Variants in RUNX2 observed in about 807,000 individuals in gnomAD.
RUNX2 encodes the protein RUNX family transcription factor 2, also known as runt-related transcription factor 2.
A neutral mutation model predicts 51.7 loss-of-function variants in RUNX2; 10 were observed. The observed-to-expected ratio is 0.19, with a 90% CI of 0.12 to 0.33. The LOEUF (loss-of-function observed/expected upper bound fraction) is 0.33. RUNX2 is among the 10% of genes least tolerant of loss of function. The probability of loss-of-function intolerance (pLI) is 1.00; values close to 1 mark genes in which losing one functional copy is unlikely to be tolerated. For missense variants in RUNX2, 562 were observed against 691.3 expected (o/e 0.81, Z 2.10); for synonymous variants, 276 against 273.6 (o/e 1.01, Z -0.09).
chr6:45,542,896 T>C (rs1041354577), intron 7 of RUNX2, among the ~76,000 whole-genome samples: 2 of 152,194 alleles, frequency 1.3e-5, no homozygotes, highest in Non-Finnish European at 1.5e-5. Flanking sequence ...TTTCTCTAGA[T>C]ACCAGCTTTC....
intron 5 of RUNX2, among the ~76,000 whole-genome samples, chr6:45,447,045 AC>A (rs1799020749): frequency 6.6e-6 from 1 of 152,202 alleles, no homozygotes; most frequent in African/African-American, 2.4e-5. Context: ...TAAGGCTTAA[AC>A]CCAAGCACCC....
chr6:45,483,649 A>G (rs1582159572), intron 5 of RUNX2, among the ~76,000 whole-genome samples: 2 of 152,250 alleles, frequency 1.3e-5, no homozygotes, highest in Admixed American at 6.5e-5. Context: ...TGTAGTAGAC[A>G]AAACATAGTT....
chr6:45,346,916 G>C (rs972754830), intron 2 of RUNX2, among the ~76,000 whole-genome samples: 2 of 152,052 alleles, frequency 1.3e-5, no homozygotes, highest in African/African-American at 4.8e-5. Context: ...GAAGTGGATG[G>C]ACAAATAAAC....
At chr6:45,519,796 G>A (rs572021723) in intron 7 of RUNX2, among the ~76,000 whole-genome samples, 23,840 of 98,106 alleles carry the variant, frequency 0.24, 3,399 homozygotes, top group African/African-American at 0.48. Context: ...ATATATGTGT[G>A]TGTGTGTGTG....
Position 45,505,955 on chromosome 6 carries a change from AT to A in RUNX2, c.860-6290del, listed in dbSNP as rs1800954966. Among the ~76,000 whole-genome samples the A allele has an allele frequency of 2.6e-5, 4 of 152,342 alleles. No homozygotes were observed. In the South Asian group the frequency reaches 8.3e-4, roughly 32 times the overall value. ...ATGCTGAAGGGATTCCTTATGACAGATGACTGGTTCCTTTTTACGGCTTTCA... is the reference window on the plus strand; with the variant it reads ...ATGCTGAAGGGATTCCTTATGACAGAGACTGGTTCCTTTTTACGGCTTTCA... On this transcript the variant is annotated intron_variant, in intron 6 of 8. Transcript: ENST00000647337.
intron 7 of RUNX2, among the ~76,000 whole-genome samples, chr6:45,524,512 A>G (rs752968235): frequency 1.6e-4 from 25 of 152,326 alleles, no homozygotes; most frequent in Non-Finnish European, 2.9e-4. Flanking sequence ...GTAATTAGTA[A>G]CAATGCTATA....
intron 2 of RUNX2, among the ~76,000 whole-genome samples, chr6:45,402,921 T>C (rs1797746568): frequency 6.6e-6 from 1 of 152,184 alleles, no homozygotes; most frequent in Admixed American, 6.5e-5. Flanking sequence ...GAAATATCTA[T>C]TTAATAGTCC....
intron 2 of RUNX2, among the ~76,000 whole-genome samples, chr6:45,355,845 A>T (rs1793060191): frequency 6.6e-6 from 1 of 152,292 alleles, no homozygotes; most frequent in Admixed American, 6.5e-5. Flanking sequence ...AACCAAAAAG[A>T]ATGTTATTTT....
At chr6:45,463,085 T>G (rs1009471328) in intron 5 of RUNX2, among the ~76,000 whole-genome samples, 1 of 152,220 alleles carries the variant, frequency 6.6e-6, no homozygotes, top group African/African-American at 2.4e-5. Context: ...TCGCAGGCAG[T>G]TTCTCTTTCT....
chr6:45,396,882 C>A (rs1340280690), intron 2 of RUNX2, among the ~76,000 whole-genome samples: 1 of 152,088 alleles, frequency 6.6e-6, no homozygotes, highest in Non-Finnish European at 1.5e-5. Flanking sequence ...TGAACAGATA[C>A]AGTATATTTT....
At chr6:45,339,100 T>C (rs1050634667) in intron 2 of RUNX2, among the ~76,000 whole-genome samples, 2 of 152,154 alleles carry the variant, frequency 1.3e-5, no homozygotes, top group Admixed American at 6.6e-5. Flanking sequence ...CAAACTAAGA[T>C]AGTTATGGCC....
intron 5 of RUNX2, among the ~76,000 whole-genome samples, chr6:45,475,719 A>G (rs1340210008): frequency 6.6e-6 from 1 of 152,370 alleles, no homozygotes; most frequent in East Asian, 1.9e-4. Flanking sequence ...TTCAACTGAT[A>G]TGATTCAGTT....
intron 2 of RUNX2, among the ~76,000 whole-genome samples, chr6:45,403,630 A>T (rs1469156007): frequency 6.6e-6 from 1 of 152,162 alleles, no homozygotes; most frequent in Admixed American, 6.6e-5. Context: ...GCCACTTTTG[A>T]TCATATCTTC....
intron 2 of RUNX2, among the ~76,000 whole-genome samples, chr6:45,405,726 G>T (rs1797820208): frequency 6.6e-6 from 1 of 152,124 alleles, no homozygotes; most frequent in Admixed American, 6.5e-5. Flanking sequence ...GGCAGAGGTT[G>T]CAGTGAGCTG....
intron 2 of RUNX2, among the ~76,000 whole-genome samples, chr6:45,409,615 C>A (rs748395807): frequency 6.6e-6 from 1 of 152,146 alleles, no homozygotes; most frequent in African/African-American, 2.4e-5. Flanking sequence ...ATATTCCCAA[C>A]AAGATGTAAG....
At chr6:45,352,181 T>C (rs1230583855) in intron 2 of RUNX2, among the ~76,000 whole-genome samples, 2 of 152,176 alleles carry the variant, frequency 1.3e-5, no homozygotes, top group East Asian at 1.9e-4. Flanking sequence ...CAGTATTTCA[T>C]TGAGAAAAGA....
chr6:45,484,717 G>A (rs1254480015), intron 5 of RUNX2, among the ~76,000 whole-genome samples: 1 of 152,156 alleles, frequency 6.6e-6, no homozygotes, highest in Non-Finnish European at 1.5e-5. Context: ...ATCCTTAGAA[G>A]TAGAAATGCA....
intron 2 of RUNX2, among the ~76,000 whole-genome samples, chr6:45,347,124 A>T (rs1316602427): frequency 6.6e-6 from 1 of 152,208 alleles, no homozygotes; most frequent in Non-Finnish European, 1.5e-5. Context: ...TCAAAGAAAG[A>T]AGCTAAGACT....
intron 2 of RUNX2, 111 bp downstream of exon 2, chr6:45,328,895 T>C (rs1786902595): frequency 1.8e-6 from 2 of 1,118,814 alleles, no homozygotes; most frequent in South Asian, 2.5e-5. Flanking sequence ...AGATCCTAAT[T>C]ATGCTATCTT....
Sources: gnomAD v4.1 joint callset for allele counts (sites outside exome capture counted in the v4.1 genomes callset) on GRCh38, gnomAD v4.1.1 for gene constraint, MANE v1.5 for transcripts, NCBI Gene and HGNC (gene_info 2026-07-23, HGNC 2026-07-21) for gene names.